Variants in NEDD9 observed in about 807,000 individuals in gnomAD.
The protein encoded by NEDD9 is neural precursor cell expressed, developmentally down-regulated 9.
Under a neutral mutation model 76.6 loss-of-function variants are expected in NEDD9, and 26 were observed. The ratio of observed to expected loss-of-function variants is 0.34; its 90% CI spans 0.25 to 0.47. The LOEUF (loss-of-function observed/expected upper bound fraction) is 0.47. Ranked by LOEUF, NEDD9 falls within the 20% of genes least tolerant of loss-of-function variation. The pLI, the probability that NEDD9 is intolerant of heterozygous loss-of-function variation, is 1.00. For synonymous variants in NEDD9, 392 were observed against 414.2 expected (o/e 0.95, Z 0.65); for missense variants, 937 against 1,058.5 (o/e 0.89, Z 1.59).
intron 1 of NEDD9, among the ~76,000 whole-genome samples, chr6:11,337,962 CAT>C (rs1202343385): frequency 6.6e-6 from 1 of 152,140 alleles, no homozygotes; most frequent in Non-Finnish European, 1.5e-5. Flanking sequence ...ATCTGTGCTT[CAT>C]AGACACATAG....
chr6:11,326,451 G>T (rs928497943), intron 2 of NEDD9, among the ~76,000 whole-genome samples: 1 of 152,164 alleles, frequency 6.6e-6, no homozygotes, highest in Non-Finnish European at 1.5e-5. Context: ...AAGGAAAAGG[G>T]TTTACATTTT....
intron 1 of NEDD9, among the ~76,000 whole-genome samples, chr6:11,364,950 C>CCT (rs1474969231): frequency 1.3e-5 from 2 of 152,118 alleles, no homozygotes; most frequent in African/African-American, 4.8e-5. Flanking sequence ...TGATCCCTGG[C>CCT]CTCTCTCACC....
intron 3 of NEDD9, among the ~76,000 whole-genome samples, chr6:11,253,552 C>G (rs1412754190): frequency 2.6e-5 from 4 of 152,150 alleles, no homozygotes; most frequent in Non-Finnish European, 5.9e-5. Flanking sequence ...TTTATGTTAA[C>G]TTATTTCAAA....
At chr6:11,201,969 G>C (rs1758468282) in intron 2 of NEDD9, among the ~76,000 whole-genome samples, 1 of 152,180 alleles carries the variant, frequency 6.6e-6, no homozygotes, top group African/African-American at 2.4e-5. Context: ...CTAATGTGTG[G>C]AGTCAGCTTC....
At chr6:11,338,304 A>G (rs1009413735) in intron 1 of NEDD9, among the ~76,000 whole-genome samples, 1 of 152,322 alleles carries the variant, frequency 6.6e-6, no homozygotes, top group South Asian at 2.1e-4. Flanking sequence ...CGGCCAGCAA[A>G]CACCAGAAGT....
chr6:11,351,018 G>A (rs540150281), intron 1 of NEDD9, among the ~76,000 whole-genome samples: 4 of 152,248 alleles, frequency 2.6e-5, no homozygotes, highest in Admixed American at 6.5e-5. Context: ...ATGATCAAGC[G>A]AATCAGCATT....
chr6:11,212,530 G>A (rs537604798), intron 2 of NEDD9, among the ~76,000 whole-genome samples: 1 of 152,304 alleles, frequency 6.6e-6, no homozygotes, highest in East Asian at 1.9e-4. Flanking sequence ...TGTTCAATTA[G>A]TGAATTTCTA....
intron 2 of NEDD9, among the ~76,000 whole-genome samples, chr6:11,324,669 T>C (rs2113481283): frequency 6.6e-6 from 1 of 152,356 alleles, no homozygotes. Flanking sequence ...TGTCACCCTA[T>C]TCACATGGAG....
intron 3 of NEDD9, among the ~76,000 whole-genome samples, chr6:11,276,882 C>T (rs1260735575): frequency 1.3e-5 from 2 of 152,004 alleles, no homozygotes; most frequent in Non-Finnish European, 2.9e-5. Context: ...AATGGAGGAA[C>T]AAGGATGAAT....
chr6:11,265,832 C>T (rs1760190115), intron 3 of NEDD9, among the ~76,000 whole-genome samples: 1 of 152,090 alleles, frequency 6.6e-6, no homozygotes, highest in Admixed American at 6.5e-5. Context: ...TATATAAATG[C>T]AATGGAATAC....
At chr6:11,325,966 C>T (rs1368992422) in intron 2 of NEDD9, among the ~76,000 whole-genome samples, 1 of 151,968 alleles carries the variant, frequency 6.6e-6, no homozygotes, top group Non-Finnish European at 1.5e-5. Flanking sequence ...GCCAACATGG[C>T]GAAACCCCGT....
intron 2 of NEDD9, among the ~76,000 whole-genome samples, chr6:11,321,328 G>A (rs1003669550): frequency 6.6e-6 from 1 of 152,192 alleles, no homozygotes; most frequent in Non-Finnish European, 1.5e-5. Context: ...GAAGGATGAC[G>A]TAGTCATGAC....
chr6:11,379,625 A>G (rs561465128), intron 1 of NEDD9, among the ~76,000 whole-genome samples: 4 of 152,226 alleles, frequency 2.6e-5, no homozygotes, highest in African/African-American at 9.6e-5. Flanking sequence ...AAACTTAAAG[A>G]TTTATATTTT....
chr6:11,209,565 A>T (rs1318561437), intron 2 of NEDD9, among the ~76,000 whole-genome samples: 1 of 152,248 alleles, frequency 6.6e-6, no homozygotes, highest in Non-Finnish European at 1.5e-5. Context: ...AGGTGAGAGG[A>T]ATGCATTCTT....
At chr6:11,329,601 T>C (rs1761992420) in intron 2 of NEDD9, among the ~76,000 whole-genome samples, 1 of 152,220 alleles carries the variant, frequency 6.6e-6, no homozygotes, top group South Asian at 2.1e-4. Flanking sequence ...GTGCCTGACC[T>C]GCCCTGTGCA....
intron 2 of NEDD9, among the ~76,000 whole-genome samples, chr6:11,332,965 C>T (rs995424876): frequency 2.0e-5 from 3 of 150,858 alleles, no homozygotes; most frequent in Non-Finnish European, 4.4e-5. Flanking sequence ...TGAGGAGTCC[C>T]ACGGTTTCCC....
chr6:11,241,593 G>T lies in NEDD9; in HGVS notation c.13-27866C>A, dbSNP rs2113290306. On this transcript the variant is annotated intron_variant, in intron 3 of 3. Transcript: ENST00000397378. This position sits in a 1 kb window ranked among gnomAD's most constrained non-coding sequence, Gnocchi z 4.0. ...AGCCATCTTCCACACCAGCCATCCA[G>T]CATAGCTCCGGGGGCGGAGGTAGGG... 6.6e-6 allele frequency among the ~76,000 whole-genome samples: 1 copy of T among 152,336 alleles called. No individual in the cohort carries two copies. The highest frequency in any genetic ancestry group is 6.5e-5 in the Admixed American group (1 of 15,308).
intron 3 of NEDD9, among the ~76,000 whole-genome samples, chr6:11,302,103 A>T (rs1487267622): frequency 6.6e-6 from 1 of 152,194 alleles, no homozygotes; most frequent in Non-Finnish European, 1.5e-5. Flanking sequence ...GATCAACAAA[A>T]TAGATAGACT....
At position 11,215,401 on chromosome 6, in the gene NEDD9, G is replaced by A. The variant is rs556315602; in HGVS notation, c.13-1674C>T. ...CTGGGTAGTTAATATTCCAGGAGGC[G>A]CTGGGTTTCATCTAACAATGAAAAG... On this transcript the variant is annotated intron_variant, in intron 1 of 6. Coordinates refer to ENST00000379446, the MANE Select transcript of NEDD9 (RefSeq NM_006403.4). 3.9e-5 allele frequency among the ~76,000 whole-genome samples: 6 copies of A among 152,290 alleles called. No individual in the cohort carries two copies. In the East Asian group the frequency reaches 5.8e-4, roughly 15 times the overall value.
Sources: allele counts gnomAD v4.1 joint callset (sites outside exome capture counted in the v4.1 genomes callset), GRCh38; gene constraint gnomAD v4.1.1; non-coding constraint Gnocchi (gnomAD v3.1); transcripts MANE v1.5; gene names NCBI Gene and HGNC (gene_info 2026-07-23, HGNC 2026-07-21).